The following KLKB1 variants were observed in gnomAD, a reference collection of about 807,000 sequenced individuals.
The protein encoded by KLKB1 is kallikrein B1, also known as plasma kallikrein.
KLKB1 carries 58 observed loss-of-function variants against 73.6 expected under a neutral mutation model. That is an observed-to-expected ratio of 0.79 (90% CI 0.64 to 0.98). The LOEUF (loss-of-function observed/expected upper bound fraction) is 0.98, where lower values mean the gene tolerates loss of function less well. Ranked by LOEUF, KLKB1 falls within the 50% of genes least tolerant of loss-of-function variation. The pLI, the probability that KLKB1 is intolerant of heterozygous loss-of-function variation, is 0.00. For synonymous variants in KLKB1, 280 were observed against 258.1 expected (o/e 1.08, Z -0.81); for missense variants, 737 against 763.8 (o/e 0.96, Z 0.41).
At chr4:186,231,665 T>C (rs1431816055) in intron 2 of KLKB1, among the ~76,000 whole-genome samples, 1 of 152,248 alleles carries the variant, frequency 6.6e-6, no homozygotes, top group African/African-American at 2.4e-5. Context: ...ACTCAGTTAT[T>C]TAACTTTCTT....
At chr4:186,253,766 A>G (rs1048935658) in intron 11 of KLKB1, among the ~76,000 whole-genome samples, 2 of 152,048 alleles carry the variant, frequency 1.3e-5, no homozygotes, top group African/African-American at 4.8e-5. Context: ...GTATACATTC[A>G]TCTTTTAAAT....
In KLKB1 at chr4:186,228,283, T is replaced by C. The variant is rs1346268507; in HGVS notation, c.58+30T>C. On this transcript the variant is annotated intron_variant, in intron 2 of 14. Transcript: ENST00000264690. ...GTGAATTATCTATAAAACATGGAAT[T>C]CAGGCTAAGACAGGAGTAGCCAAGC... 8 of 1,477,732 alleles carry C rather than the reference T, an allele frequency of 5.4e-6. No homozygotes were observed. The South Asian group carries it at 9.1e-5, about 17-fold the overall frequency. The allele number at this position is 1,477,732 out of a possible 1,614,324, so 91.5% of individuals were successfully genotyped here.
At chr4:186,238,209 C>A in intron 5 of KLKB1, 47 bp from the exon 6 acceptor site, 1 of 1,186,464 alleles carries the variant, frequency 8.4e-7, no homozygotes, top group South Asian at 1.2e-5. Flanking sequence ...CTGCTCCCTG[C>A]CCCTCAAAGT....
intron 6 of KLKB1, among the ~76,000 whole-genome samples, chr4:186,245,823 G>GTTTTTTT (rs1561460148): frequency 4.1e-5 from 2 of 48,604 alleles, no homozygotes; most frequent in Admixed American, 2.2e-4. Context: ...TTTGTTTTTT[G>GTTTTTTT]GTTTTTTTTT....
intron 7 of KLKB1, 66 bp from the exon 8 acceptor site, chr4:186,251,153 G>A (rs961960713): frequency 7.7e-6 from 8 of 1,043,104 alleles, no homozygotes; most frequent in Non-Finnish European, 1.2e-5. Context: ...AGCTGCTTTT[G>A]TATTTGCCTA....
chr4:186,227,222 CA>C (rs1253536893), upstream of KLKB1, among the ~76,000 whole-genome samples: 2 of 152,178 alleles, frequency 1.3e-5, no homozygotes, highest in Non-Finnish European at 2.9e-5. Flanking sequence ...TTCTGTGCTG[CA>C]ACCAGGTGGC....
intron 2 of KLKB1, chr4:186,211,686 CACACACACACAT>C (rs1404405146): frequency 3.9e-5 from 4 of 101,406 alleles, no homozygotes; most frequent in African/African-American, 6.4e-5. Context: ...CACACACACA[CACACACACACAT>C]ACACACATAT....
chr4:186,211,130 C>CCATTATATCGTGA (rs1736706532), intron 2 of KLKB1: 1 of 157,992 alleles, frequency 6.3e-6, no homozygotes, highest in African/African-American at 2.4e-5. Flanking sequence ...TGAGCCACCA[C>CCATTATATCGTGA]GCCTGGCCAG....
intron 6 of KLKB1, among the ~76,000 whole-genome samples, chr4:186,243,910 C>G (rs1374041917): frequency 6.6e-6 from 1 of 152,046 alleles, no homozygotes; most frequent in Middle Eastern, 3.2e-3. Context: ...ATCAATAAAC[C>G]AAGTGTGATC....
rs552244411 is a variant in KLKB1, at chr4:186,258,419, C to T, written c.*207C>T. 6.5e-4 allele frequency: 405 copies of T among 627,010 alleles called. 3 individuals are homozygous for T. In the South Asian group the frequency reaches 6.5e-3, roughly 10 times the overall value. The allele number at this position is 627,010 out of a possible 1,614,324, so 38.8% of individuals were successfully genotyped here. ...TAACCAGGGGCTGACAATGCGAGGT[C>T]GCAACTGAGATCTCCATGACTGTGT... On this transcript the variant is annotated 3_prime_UTR_variant, in exon 15 of 15. Transcript: ENST00000264690.
At chr4:186,224,178 CAGA>C (rs1378950566), upstream of KLKB1, among the ~76,000 whole-genome samples, 1 of 152,256 alleles carries the variant, frequency 6.6e-6, no homozygotes, top group Non-Finnish European at 1.5e-5. Context: ...GCTGTCCAGG[CAGA>C]AGCCTGCTGC....
intron 2 of KLKB1, chr4:186,212,821 A>C (rs577921207): frequency 6.6e-6 from 1 of 152,324 alleles, no homozygotes; most frequent in Admixed American, 6.5e-5. Context: ...GCCAAATTGC[A>C]CCCATTTAAC....
intron 6 of KLKB1, among the ~76,000 whole-genome samples, chr4:186,243,752 G>A (rs1176948319): frequency 1.3e-5 from 2 of 152,252 alleles, no homozygotes; most frequent in Non-Finnish European, 2.9e-5. Flanking sequence ...CCCTTTGCAA[G>A]AGTGAGGGCC....
chr4:186,230,214 C>CT (rs1295972353), intron 2 of KLKB1, among the ~76,000 whole-genome samples: 1 of 152,142 alleles, frequency 6.6e-6, no homozygotes, highest in African/African-American at 2.4e-5. Context: ...GCAATCAAAA[C>CT]CAGTATACAA....
chr4:186,257,431 C>G (rs1580048177), intron 14 of KLKB1, 66 bp downstream of exon 14: 1 of 1,419,692 alleles, frequency 7.0e-7, no homozygotes, highest in Non-Finnish European at 9.5e-7. Context: ...AATATATTTT[C>G]CAATAGCATA....
intron 6 of KLKB1, 87 bp from the exon 7 acceptor site, chr4:186,250,156 C>T (rs1561462924): frequency 1.6e-6 from 2 of 1,219,834 alleles, no homozygotes; most frequent in Non-Finnish European, 2.4e-6. Flanking sequence ...TAAATAGTCA[C>T]AATTTCCTTA....
intron 6 of KLKB1, among the ~76,000 whole-genome samples, chr4:186,249,759 AAAAC>A (rs1282007974): frequency 1.3e-5 from 2 of 152,248 alleles, no homozygotes; most frequent in African/African-American, 2.4e-5. Context: ...GTACACAACT[AAAAC>A]AAAACTAAGA....
chr4:186,239,690 T>G (rs1737909528), intron 6 of KLKB1, among the ~76,000 whole-genome samples: 1 of 119,582 alleles, frequency 8.4e-6, no homozygotes, highest in African/African-American at 3.3e-5. Context: ...AGGAAACTAG[T>G]ACAGTGATAC....
intron 2 of KLKB1, among the ~76,000 whole-genome samples, chr4:186,220,366 T>A (rs1305039996): frequency 2.0e-5 from 3 of 152,180 alleles, no homozygotes; most frequent in Non-Finnish European, 4.4e-5. Context: ...GTTCTATCAA[T>A]ACAGCTGCTT....
Sources: allele counts gnomAD v4.1 joint callset (sites outside exome capture counted in the v4.1 genomes callset), GRCh38; gene constraint gnomAD v4.1.1; transcripts MANE v1.5; gene names NCBI Gene and HGNC (gene_info 2026-07-23, HGNC 2026-07-21).